Variants in MAD1L1 observed in about 807,000 individuals in gnomAD.
The protein encoded by MAD1L1 is mitotic arrest deficient 1 like 1.
Under a neutral mutation model 96.9 loss-of-function variants are expected in MAD1L1, and 95 were observed. That is an observed-to-expected ratio of 0.98 (90% CI 0.83 to 1.16). The LOEUF (loss-of-function observed/expected upper bound fraction) is 1.16. Among genes scored for constraint, MAD1L1 ranks in the 50% most tolerant of loss-of-function variants. The pLI is 0.00. For missense variants in MAD1L1, 1,007 were observed against 954.4 expected (o/e 1.06, Z -0.73); for synonymous variants, 473 against 396.6 (o/e 1.19, Z -2.29).
At chr7:2,070,838 T>C (rs991293794) in intron 11 of MAD1L1, among the ~76,000 whole-genome samples, 6 of 152,230 alleles carry the variant, frequency 3.9e-5, no homozygotes, top group East Asian at 1.9e-4. Flanking sequence ...TTCCCAGCCA[T>C]TGATTGCTTC....
chr7:1,896,616 G>A (rs937312053), intron 18 of MAD1L1, among the ~76,000 whole-genome samples: 4 of 152,330 alleles, frequency 2.6e-5, no homozygotes, highest in Middle Eastern at 6.8e-3. Context: ...AAGGAAACAC[G>A]GCGAAGCAGG....
intron 12 of MAD1L1, among the ~76,000 whole-genome samples, chr7:2,062,278 A>C (rs1377836825): frequency 1.5e-5 from 2 of 134,054 alleles, no homozygotes; most frequent in African/African-American, 2.7e-5. Flanking sequence ...AAAAAAAAAC[A>C]GGGAATTGAA....
intron 17 of MAD1L1, 47 bp downstream of exon 17, chr7:1,936,640 C>T (rs778963240): frequency 6.8e-5 from 103 of 1,525,620 alleles, no homozygotes; most frequent in Non-Finnish European, 8.1e-5. Context: ...ATGGACCTAC[C>T]CACGGAAGGT....
chr7:2,088,153 C>T lies in MAD1L1; in HGVS notation c.1074-18815G>A, dbSNP rs972811078. ...GGCTGAGTGGAAATATGGGGGCCCACGTGCATGGCCACAGAACAGTGGACG... is the reference window on the plus strand; with the variant it reads ...GGCTGAGTGGAAATATGGGGGCCCATGTGCATGGCCACAGAACAGTGGACG... On this transcript the variant is annotated intron_variant, in intron 11 of 18. Transcript: ENST00000265854. This position sits in a 1 kb window ranked among gnomAD's most constrained non-coding sequence, Gnocchi z 4.4. Among the ~76,000 whole-genome samples, 1 of 152,180 alleles carries T rather than the reference C, an allele frequency of 6.6e-6. No individual in the cohort carries two copies. Among genetic ancestry groups the T allele is most frequent in the African/African-American group, 2.4e-5 (1 of 41,436 alleles).
At chr7:1,881,224 G>A (rs1038716807) in intron 18 of MAD1L1, among the ~76,000 whole-genome samples, 5 of 152,108 alleles carry the variant, frequency 3.3e-5, no homozygotes, top group African/African-American at 9.7e-5. Context: ...ACTCAAATAT[G>A]GGTTTAAATG....
At chr7:2,094,910 G>A (rs1310288746) in intron 11 of MAD1L1, among the ~76,000 whole-genome samples, 1 of 152,216 alleles carries the variant, frequency 6.6e-6, no homozygotes, top group Admixed American at 6.5e-5. Context: ...CTGACCGGGT[G>A]ATGGTGATGC....
At position 1,996,308 on chromosome 7, in the gene MAD1L1, T is replaced by TG. The variant is rs771183792; in HGVS notation, c.1416+5756_1416+5757insC. Among the ~76,000 whole-genome samples, 3 of 16,160 alleles carry TG rather than the reference T, an allele frequency of 1.9e-4. 1 individual carries two copies. The highest frequency in any genetic ancestry group is 6.4e-4 in the African/African-American group (3 of 4,702). 10.6% of individuals were successfully genotyped at this position (16,160 alleles called of 152,430 possible). On this transcript the variant is annotated intron_variant, in intron 14 of 18. Coordinates refer to ENST00000265854, the MANE Select transcript of MAD1L1 (RefSeq NM_001013836.2). Reference sequence around the variant, plus strand: ...ACACACGGCTGCTGGGCGGGCAGGGTCCCCCCGGGTCTACACACGGCTGCT... The same window carrying TG: ...ACACACGGCTGCTGGGCGGGCAGGGTGCCCCCCGGGTCTACACACGGCTGCT...
At chr7:1,889,969 C>T (rs556146861) in intron 18 of MAD1L1, among the ~76,000 whole-genome samples, 1 of 152,332 alleles carries the variant, frequency 6.6e-6, no homozygotes, top group East Asian at 1.9e-4. Context: ...CTGAAGGCTG[C>T]CCACCCACAG....
intron 18 of MAD1L1, chr7:1,845,698 G>C (rs1179951201): frequency 1.3e-5 from 2 of 152,248 alleles, no homozygotes; most frequent in Non-Finnish European, 2.9e-5. Flanking sequence ...ACGGGGAAGA[G>C]CGCTGTTTAG....
chr7:2,053,661 G>A (rs942285470), intron 12 of MAD1L1, among the ~76,000 whole-genome samples: 2 of 152,172 alleles, frequency 1.3e-5, no homozygotes, highest in Non-Finnish European at 2.9e-5. Context: ...CACGGGTTAT[G>A]GGGGTGCCCC....
At chr7:1,959,368 A>G (rs1779858704) in intron 15 of MAD1L1, among the ~76,000 whole-genome samples, 1 of 152,230 alleles carries the variant, frequency 6.6e-6, no homozygotes, top group African/African-American at 2.4e-5. Flanking sequence ...AGAGTCCCCA[A>G]AAGAAAGAAG....
At chr7:2,183,758 G>C (rs189845421) in intron 10 of MAD1L1, among the ~76,000 whole-genome samples, 9 of 152,000 alleles carry the variant, frequency 5.9e-5, no homozygotes, top group South Asian at 2.1e-4. Context: ...GTCGTGGGGT[G>C]GGGGGAGCGG....
intron 10 of MAD1L1, among the ~76,000 whole-genome samples, chr7:2,158,096 G>A (rs899030176): frequency 3.3e-5 from 5 of 152,234 alleles, no homozygotes; most frequent in Admixed American, 1.3e-4. Flanking sequence ...CTTCAGCTGC[G>A]AAGCCTTTTA....
At chr7:2,183,794 C>T (rs1791320424) in intron 10 of MAD1L1, among the ~76,000 whole-genome samples, 1 of 151,992 alleles carries the variant, frequency 6.6e-6, no homozygotes, top group Non-Finnish European at 1.5e-5. Flanking sequence ...GGAGATATAC[C>T]TAATGCTAAA....
chr7:2,219,110 G>C (rs930560616), intron 6 of MAD1L1, among the ~76,000 whole-genome samples: 1 of 152,110 alleles, frequency 6.6e-6, no homozygotes, highest in South Asian at 2.1e-4. Context: ...AAGAAGGAGG[G>C]GGAGGAAGTT....
intron 14 of MAD1L1, among the ~76,000 whole-genome samples, chr7:1,988,107 G>A (rs1332012425): frequency 1.3e-5 from 2 of 152,248 alleles, no homozygotes; most frequent in Non-Finnish European, 2.9e-5. Context: ...AGAAGAAAAG[G>A]AGTAGCAGGT....
chr7:2,076,163 T>C (rs1227710451), intron 11 of MAD1L1, among the ~76,000 whole-genome samples: 1 of 152,144 alleles, frequency 6.6e-6, no homozygotes, highest in African/African-American at 2.4e-5. Context: ...TGAAGACGCC[T>C]CCACAGCCAC....
At chr7:1,874,643 T>A (rs1046107647) in intron 18 of MAD1L1, 2 of 422,228 alleles carry the variant, frequency 4.7e-6, no homozygotes, top group Non-Finnish European at 9.4e-6. Context: ...GGCTTAGGAA[T>A]TGACCCAGGA....
chr7:2,147,204 G>C (rs534946692), intron 11 of MAD1L1, among the ~76,000 whole-genome samples: 5 of 152,298 alleles, frequency 3.3e-5, no homozygotes, highest in South Asian at 4.1e-4. Flanking sequence ...GAGAGGACCA[G>C]GTGCCTGCCC....
Sources: gnomAD v4.1 joint callset for allele counts (sites outside exome capture counted in the v4.1 genomes callset) on GRCh38, gnomAD v4.1.1 for gene constraint, Gnocchi (gnomAD v3.1) non-coding constraint, MANE v1.5 for transcripts, NCBI Gene and HGNC (gene_info 2026-07-23, HGNC 2026-07-21) for gene names.